The following CACNA1C variants were observed in gnomAD, a reference collection of about 807,000 sequenced individuals.
CACNA1C encodes the protein calcium voltage-gated channel subunit alpha1 C.
A neutral mutation model predicts 229.0 loss-of-function variants in CACNA1C; 30 were observed. The ratio of observed to expected loss-of-function variants is 0.13; its 90% CI spans 0.10 to 0.18. The LOEUF (loss-of-function observed/expected upper bound fraction) is 0.18. Among genes scored for constraint, CACNA1C ranks in the 10% least tolerant of loss-of-function variants. The probability of loss-of-function intolerance (pLI) is 1.00; values close to 1 mark genes in which losing one functional copy is unlikely to be tolerated. For synonymous variants in CACNA1C, 1,114 were observed against 1,132.5 expected (o/e 0.98, Z 0.33); for missense variants, 1,658 against 2,845.0 (o/e 0.58, Z 9.49).
In CACNA1C at chr12:2,152,238, A is replaced by AC. The variant is rs2095319415; in HGVS notation, c.477+31810dup. Among the ~76,000 whole-genome samples, 1 of 152,162 alleles carries AC rather than the reference A, an allele frequency of 6.6e-6. No individual in the cohort carries two copies. Among genetic ancestry groups the AC allele is most frequent in the African/African-American group, 2.4e-5 (1 of 41,432 alleles). ...GACTGTTACCCAGTGTCTGTTCTCTACCTCTTTCATAGGGATAGAATTTTC... is the reference window on the plus strand; with the variant it reads ...GACTGTTACCCAGTGTCTGTTCTCTACCCTCTTTCATAGGGATAGAATTTTC... On this transcript the variant is annotated intron_variant, in intron 3 of 46. Transcript: ENST00000399655. The surrounding 1 kb of genome is among the most constrained non-coding windows in gnomAD (Gnocchi z 4.2).
intron 11 of CACNA1C, among the ~76,000 whole-genome samples, chr12:2,559,630 A>T (rs1171831650): frequency 3.3e-5 from 5 of 152,178 alleles, no homozygotes; most frequent in Non-Finnish European, 7.4e-5. Flanking sequence ...ATTGAAACTC[A>T]TTTCCAGATG....
intron 3 of CACNA1C, among the ~76,000 whole-genome samples, chr12:2,161,309 G>A (rs2095843379): frequency 6.6e-6 from 1 of 152,228 alleles, no homozygotes; most frequent in Admixed American, 6.5e-5. Flanking sequence ...GGCACTGCAT[G>A]CTACTTAGTT....
intron 1 of CACNA1C, among the ~76,000 whole-genome samples, chr12:2,077,299 A>G (rs1595193485): frequency 6.6e-6 from 1 of 152,164 alleles, no homozygotes; most frequent in East Asian, 1.9e-4. Flanking sequence ...CTCTTTTCTA[A>G]ATGTTTTCTT....
At position 2,504,341 on chromosome 12, in the gene CACNA1C, G is replaced by A. The variant is rs562426917; in HGVS notation, c.1114-501G>A. Reference sequence around the variant, plus strand: ...ATGAACAAAGCCCACGTTCAGCCCCGTCTGTCCCCTCCCAATCTGCTCACA... The same window carrying A: ...ATGAACAAAGCCCACGTTCAGCCCCATCTGTCCCCTCCCAATCTGCTCACA... On this transcript the variant is annotated intron_variant, in intron 7 of 46. Coordinates refer to ENST00000399655, the MANE Select transcript of CACNA1C (RefSeq NM_000719.7). This position sits in a 1 kb window ranked among gnomAD's most constrained non-coding sequence, Gnocchi z 6.8. 31 of 734,212 alleles carry A rather than the reference G, an allele frequency of 4.2e-5. No homozygotes were observed. Among genetic ancestry groups the A allele is most frequent in the Middle Eastern group, 2.4e-4 (1 of 4,156 alleles). 45.5% of individuals were successfully genotyped at this position (734,212 alleles called of 1,614,324 possible).
chr12:2,101,244 G>A (rs1219857338), intron 1 of CACNA1C, among the ~76,000 whole-genome samples: 2 of 152,146 alleles, frequency 1.3e-5, no homozygotes, highest in Non-Finnish European at 2.9e-5. Flanking sequence ...CATTCACACC[G>A]TGACGAGTAC....
At chr12:2,536,549 T>TG (rs1450738229) in intron 9 of CACNA1C, among the ~76,000 whole-genome samples, 13 of 152,086 alleles carry the variant, frequency 8.5e-5, no homozygotes, top group African/African-American at 3.1e-4. Flanking sequence ...AAGGGCTAGG[T>TG]GGGGCACAGT....
rs1285243487 is a variant in CACNA1C, at chr12:2,633,549, T to G, written c.3829-748T>G. ...CAACACGGAGGTGCCTGGACGATGA[T>G]TCTGATGGTGGTGTTGCTCTGTTCT... On this transcript the variant is annotated intron_variant, in intron 29 of 46. Transcript: ENST00000399655. The surrounding 1 kb of genome is among the most constrained non-coding windows in gnomAD (Gnocchi z 5.8). 2 of 857,310 alleles carry G rather than the reference T, an allele frequency of 2.3e-6. No homozygotes were observed. Among genetic ancestry groups the G allele is most frequent in the Non-Finnish European group, 4.0e-6 (2 of 500,184 alleles). 53.1% of individuals were successfully genotyped at this position (857,310 alleles called of 1,614,324 possible). A position where few individuals can be genotyped will look rare whatever the true frequency, so the allele number is the denominator to read the frequency against.
rs2097996040 is a variant in CACNA1C at position 2,374,901 on chromosome 12, G to C, written c.478-74075G>C. On this transcript the variant is annotated intron_variant, in intron 3 of 46. Coordinates refer to ENST00000399655, the MANE Select transcript of CACNA1C (RefSeq NM_000719.7). ...GGAAGTTGGGTTCATTGGAGAGCAG[G>C]GTGGCTTCACATCGGGATCTGTGGC... Among the ~76,000 whole-genome samples, 3 of 152,300 alleles carry C rather than the reference G, an allele frequency of 2.0e-5. No individual in the cohort carries two copies. The South Asian group carries it at 6.2e-4, about 32-fold the overall frequency.
chr12:2,576,089 G>C (rs1477856610), intron 13 of CACNA1C, among the ~76,000 whole-genome samples: 1 of 152,224 alleles, frequency 6.6e-6, no homozygotes, highest in Admixed American at 6.5e-5. Context: ...TTAAAGGGAG[G>C]CTGGGAGTAG....
At chr12:2,070,218 G>A (rs1302619381) in intron 1 of CACNA1C, among the ~76,000 whole-genome samples, 1 of 152,152 alleles carries the variant, frequency 6.6e-6, no homozygotes, top group East Asian at 1.9e-4. Context: ...CAGAGACAAA[G>A]GACTTTGGGT....
chr12:2,673,072 G>C (rs995280368), intron 38 of CACNA1C, among the ~76,000 whole-genome samples: 6 of 152,204 alleles, frequency 3.9e-5, no homozygotes, highest in Admixed American at 3.3e-4. Context: ...TCTGACACAA[G>C]AGCCCTCAAC....
intron 3 of CACNA1C, among the ~76,000 whole-genome samples, chr12:2,209,064 G>T (rs140062785): frequency 1.3e-5 from 2 of 152,322 alleles, no homozygotes; most frequent in East Asian, 3.9e-4. Context: ...CAGCGTCCAT[G>T]CTGATGGTGG....
In CACNA1C at chr12:2,191,818, GCACA is replaced by G. The variant is rs369515672; in HGVS notation, c.477+71395_477+71398del. ...ATCTCACGTACACAGGCACACGTAT[GCACA>G]CACACATACACAGGCACACACATGC... On this transcript the variant is annotated intron_variant, in intron 3 of 46. Coordinates refer to ENST00000399655, the MANE Select transcript of CACNA1C (RefSeq NM_000719.7). Among the ~76,000 whole-genome samples the G allele has an allele frequency of 9.8e-3, 1,418 of 144,914 alleles. 21 individuals are homozygous for G. Among genetic ancestry groups the G allele is most frequent in the African/African-American group, 0.033 (1,290 of 38,538 alleles).
At chr12:2,035,462 C>T (rs1049857434) in intron 1 of CACNA1C, among the ~76,000 whole-genome samples, 2 of 152,152 alleles carry the variant, frequency 1.3e-5, no homozygotes, top group Non-Finnish European at 1.5e-5. Flanking sequence ...TGATGGGGTG[C>T]AGGGAAATAG....
intron 3 of CACNA1C, among the ~76,000 whole-genome samples, chr12:2,128,918 A>G (rs751982500): frequency 6.6e-6 from 1 of 152,222 alleles, no homozygotes; most frequent in Non-Finnish European, 1.5e-5. Context: ...TCACCCTGTG[A>G]GATGTAGCCC....
intron 3 of CACNA1C, among the ~76,000 whole-genome samples, chr12:2,306,553 G>A (rs1177746449): frequency 6.6e-6 from 1 of 152,110 alleles, no homozygotes; most frequent in Non-Finnish European, 1.5e-5. Context: ...TTCCTCCTCT[G>A]CCTGTCCCGT....
chr12:2,120,223 CA>C, intron 2 of CACNA1C, 101 bp from the exon 3 acceptor site: 2 of 767,200 alleles, frequency 2.6e-6, no homozygotes, highest in South Asian at 2.9e-5. Flanking sequence ...ATTGTTTAAA[CA>C]AAATTCTTAT....
chr12:2,307,339 T>G (rs911670559), intron 3 of CACNA1C, among the ~76,000 whole-genome samples: 4 of 152,208 alleles, frequency 2.6e-5, no homozygotes, highest in Non-Finnish European at 5.9e-5. Context: ...GCTGCTGATG[T>G]AGTTTAACCT....
At chr12:2,323,613 C>T (rs1286018921) in intron 3 of CACNA1C, among the ~76,000 whole-genome samples, 1 of 152,162 alleles carries the variant, frequency 6.6e-6, no homozygotes. Flanking sequence ...CTGTCCCCTG[C>T]GACCCTCAAA....
Sources: allele counts gnomAD v4.1 joint callset (sites outside exome capture counted in the v4.1 genomes callset), GRCh38; gene constraint gnomAD v4.1.1; non-coding constraint Gnocchi (gnomAD v3.1); transcripts MANE v1.5; gene names NCBI Gene and HGNC (gene_info 2026-07-23, HGNC 2026-07-21).